IKZF3: variants seen among roughly 807,000 people sequenced by gnomAD.
IKZF3 encodes the protein IKAROS family zinc finger 3.
A neutral mutation model predicts 49.0 loss-of-function variants in IKZF3; 10 were observed. The ratio of observed to expected loss-of-function variants is 0.20; its 90% CI spans 0.13 to 0.35. The LOEUF (loss-of-function observed/expected upper bound fraction) is 0.35, where lower values mean the gene tolerates loss of function less well. IKZF3 is among the 10% of genes least tolerant of loss of function. IKZF3 has a pLI of 1.00. For synonymous variants in IKZF3, 209 were observed against 228.2 expected (o/e 0.92, Z 0.76); for missense variants, 498 against 664.8 (o/e 0.75, Z 2.76).
At chr17:39,788,055 A>C (rs1418233439) in intron 6 of IKZF3, among the ~76,000 whole-genome samples, 1 of 152,086 alleles carries the variant, frequency 6.6e-6, no homozygotes, top group East Asian at 1.9e-4. Context: ...CCTGATTCTC[A>C]CCCTCACTCC....
At chr17:39,779,118 T>C (rs1248710572) in intron 6 of IKZF3, among the ~76,000 whole-genome samples, 2 of 152,204 alleles carry the variant, frequency 1.3e-5, no homozygotes, top group African/African-American at 4.8e-5. Flanking sequence ...TAAACTGTAA[T>C]GAATATAATT....
At chr17:39,827,537 G>A (rs2061990759) in intron 3 of IKZF3, among the ~76,000 whole-genome samples, 1 of 148,934 alleles carries the variant, frequency 6.7e-6, no homozygotes, top group Admixed American at 6.7e-5. Flanking sequence ...CAAATTCCTG[G>A]GCTCAAGAGA....
intron 6 of IKZF3, among the ~76,000 whole-genome samples, chr17:39,780,810 G>A (rs2060722471): frequency 6.6e-6 from 1 of 152,058 alleles, no homozygotes; most frequent in Non-Finnish European, 1.5e-5. Flanking sequence ...AACACAGTGA[G>A]ATCCCATCTC....
intron 3 of IKZF3, among the ~76,000 whole-genome samples, chr17:39,819,390 A>G (rs1469427229): frequency 1.3e-5 from 2 of 152,324 alleles, no homozygotes; most frequent in East Asian, 3.9e-4. Context: ...AGGCACAGCT[A>G]TCATTTGCCT....
chr17:39,838,557 A>T (rs1490533234), intron 1 of IKZF3, among the ~76,000 whole-genome samples: 1 of 152,050 alleles, frequency 6.6e-6, no homozygotes, highest in African/African-American at 2.4e-5. Context: ...ATGCTTTCAA[A>T]TATTTTTTCT....
intron 1 of IKZF3, among the ~76,000 whole-genome samples, chr17:39,853,377 G>A (rs573727342): frequency 7.2e-5 from 11 of 152,144 alleles, no homozygotes; most frequent in East Asian, 1.9e-4. Flanking sequence ...TAAAACTGTC[G>A]TTCTTCAACT....
chr17:39,822,548 T>A (rs1175884033), intron 3 of IKZF3, among the ~76,000 whole-genome samples: 1 of 151,978 alleles, frequency 6.6e-6, no homozygotes, highest in Non-Finnish European at 1.5e-5. Flanking sequence ...CTTCTTTTCT[T>A]CTTTATAAAT....
At chr17:39,827,030 C>CT (rs2061975631) in intron 3 of IKZF3, among the ~76,000 whole-genome samples, 1 of 152,208 alleles carries the variant, frequency 6.6e-6, no homozygotes. Context: ...TGGAGTCTTA[C>CT]TGTGTCACCC....
chr17:39,835,141 A>AGC (rs1203828728), intron 1 of IKZF3: 1 of 474,262 alleles, frequency 2.1e-6, no homozygotes, highest in Non-Finnish European at 4.2e-6. Flanking sequence ...CTGTAGGCTG[A>AGC]GCTCAGCCCA....
chr17:39,850,926 A>ATT (rs2144518354), intron 1 of IKZF3, among the ~76,000 whole-genome samples: 1 of 130,392 alleles, frequency 7.7e-6, no homozygotes, highest in Admixed American at 8.1e-5. Flanking sequence ...ATATACATAT[A>ATT]TTATATATAC....
rs543942922 is a variant in IKZF3, at chr17:39,818,759, G to A, written c.163+10628C>T. 3.3e-5 allele frequency among the ~76,000 whole-genome samples: 5 copies of A among 152,312 alleles called. No individual in the cohort carries two copies. The East Asian group carries it at 9.6e-4, about 29-fold the overall frequency. Reference sequence around the variant, plus strand: ...TGTAGTCCCAGCTACTCAGGAGGCTGAGGCACGAGAATCACTTGAAATTAG... The same window carrying A: ...TGTAGTCCCAGCTACTCAGGAGGCTAAGGCACGAGAATCACTTGAAATTAG... On this transcript the variant is annotated intron_variant, in intron 3 of 7. Coordinates refer to ENST00000346872, the MANE Select transcript of IKZF3 (RefSeq NM_012481.5).
chr17:39,784,473 A>G (rs67599922), intron 6 of IKZF3, among the ~76,000 whole-genome samples: 3,057 of 151,492 alleles, frequency 0.02, 109 homozygotes, highest in African/African-American at 0.071. Context: ...GCATGATCTC[A>G]GCTCACTGCA....
intron 3 of IKZF3, among the ~76,000 whole-genome samples, chr17:39,812,587 C>T (rs2144113437): frequency 6.6e-6 from 1 of 152,350 alleles, no homozygotes; most frequent in East Asian, 1.9e-4. Flanking sequence ...TGGGACTCCT[C>T]ATTTATCCCT....
intron 3 of IKZF3, among the ~76,000 whole-genome samples, chr17:39,800,483 G>C (rs577672583): frequency 8.5e-5 from 13 of 152,238 alleles, no homozygotes; most frequent in African/African-American, 2.9e-4. Flanking sequence ...ACAAATTGCT[G>C]ATAAAGGTAA....
chr17:39,829,632 A>G, intron 2 of IKZF3, 144 bp from the exon 3 acceptor site: 1 of 597,000 alleles, frequency 1.7e-6, no homozygotes, highest in Non-Finnish European at 2.9e-6. Flanking sequence ...CCCAAAAGGG[A>G]TGTATACATG....
At chr17:39,862,335 C>A (rs2063235892) in intron 1 of IKZF3, among the ~76,000 whole-genome samples, 1 of 151,942 alleles carries the variant, frequency 6.6e-6, no homozygotes, top group African/African-American at 2.4e-5. Flanking sequence ...CAATGTGACC[C>A]CCAAATTGGG....
At chr17:39,839,602 T>A (rs1471348355) in intron 1 of IKZF3, 1 of 420,804 alleles carries the variant, frequency 2.4e-6, no homozygotes, top group East Asian at 7.7e-5. Context: ...TTATTTTTTT[T>A]AGACAGGGTC....
intron 1 of IKZF3, among the ~76,000 whole-genome samples, chr17:39,852,457 T>C (rs1437814499): frequency 6.6e-6 from 1 of 152,196 alleles, no homozygotes; most frequent in African/African-American, 2.4e-5. Context: ...CTCAGCCACA[T>C]TCAACATAGC....
intron 1 of IKZF3, among the ~76,000 whole-genome samples, chr17:39,853,953 C>A (rs1048389797): frequency 6.8e-6 from 1 of 147,636 alleles, no homozygotes; most frequent in African/African-American, 2.5e-5. Flanking sequence ...TATGGTGAAA[C>A]CTGTCTCTAC....
Sources: allele counts gnomAD v4.1 joint callset (sites outside exome capture counted in the v4.1 genomes callset), GRCh38; gene constraint gnomAD v4.1.1; transcripts MANE v1.5; gene names NCBI Gene and HGNC (gene_info 2026-07-23, HGNC 2026-07-21).